PTPRD: variants seen among roughly 807,000 people sequenced by gnomAD.
The protein encoded by PTPRD is protein tyrosine phosphatase receptor type D, also known as receptor-type tyrosine-protein phosphatase delta.
Under a neutral mutation model 214.5 loss-of-function variants are expected in PTPRD, and 34 were observed. The ratio of observed to expected loss-of-function variants is 0.16; its 90% CI spans 0.12 to 0.21. PTPRD has a LOEUF of 0.21. Ranked by LOEUF, PTPRD falls within the 10% of genes least tolerant of loss-of-function variation. PTPRD has a pLI of 1.00. For synonymous variants in PTPRD, 1,128 were observed against 845.7 expected, an observed-to-expected ratio of 1.33 and a Z score of -5.79; for missense variants, 2,545 against 2,398.7, an observed-to-expected ratio of 1.06 and a Z score of -1.27.
At chr9:9,413,075 CA>C (rs2075952390) in intron 8 of PTPRD, among the ~76,000 whole-genome samples, 1 of 134,918 alleles carries the variant, frequency 7.4e-6, no homozygotes, top group Non-Finnish European at 1.6e-5. Context: ...TTTGGGCAAA[CA>C]AGTTATAAAA....
chr9:9,157,894 C>T (rs945089925), intron 10 of PTPRD, among the ~76,000 whole-genome samples: 2 of 152,092 alleles, frequency 1.3e-5, no homozygotes, highest in Non-Finnish European at 2.9e-5. Flanking sequence ...AACAGTTGCC[C>T]ACAGTGTGTT....
At chr9:8,350,683 G>C (rs2075205227) in intron 39 of PTPRD, among the ~76,000 whole-genome samples, 1 of 152,044 alleles carries the variant, frequency 6.6e-6, no homozygotes, top group Non-Finnish European at 1.5e-5. Context: ...AGATAGGTTA[G>C]TTTCTTCTAG....
chr9:8,341,664 G>A lies in PTPRD; in HGVS notation c.4947+29C>T, dbSNP rs1284063389. 2.5e-6 allele frequency: 4 copies of A among 1,605,544 alleles called. No homozygotes were observed. The African/African-American group carries it at 4.0e-5, about 16-fold the overall frequency. On this transcript the variant is annotated intron_variant, in intron 40 of 45. Coordinates refer to ENST00000381196, the MANE Select transcript of PTPRD (RefSeq NM_002839.4). ...GACAAACCCAGAATGACTTGCTCCT[G>A]AATAACCACATCACATCCAATACCA...
intron 5 of PTPRD, among the ~76,000 whole-genome samples, chr9:9,783,837 T>G (rs58036266): frequency 2.4e-5 from 3 of 127,084 alleles, no homozygotes; most frequent in Non-Finnish European, 3.4e-5. Context: ...TTTTTTTTTT[T>G]AATTAAACTT....
At position 9,918,969 on chromosome 9, in the gene PTPRD, C is replaced by A. The variant is rs2081760368; in HGVS notation, c.-368+19538G>T. ...GCATATAGTTACAGATCAATGAATG[C>A]CATTATTGTTTTTTATTCTAATTTT... On this transcript the variant is annotated intron_variant, in intron 5 of 45. Transcript: ENST00000381196. Among the ~76,000 whole-genome samples the A allele has an allele frequency of 2.0e-5, 3 of 151,840 alleles. No homozygotes were observed. In the South Asian group the frequency reaches 6.2e-4, roughly 32 times the overall value.
intron 30 of PTPRD, among the ~76,000 whole-genome samples, chr9:8,483,807 C>A (rs1458670775): frequency 2.3e-5 from 2 of 85,350 alleles, no homozygotes; most frequent in Non-Finnish European, 5.0e-5. Context: ...AAAACAAAAA[C>A]AAACAAACAA....
chr9:9,799,874 T>G (rs2099027740), intron 5 of PTPRD, among the ~76,000 whole-genome samples: 1 of 151,710 alleles, frequency 6.6e-6, no homozygotes, highest in Admixed American at 6.6e-5. Flanking sequence ...CTTTTTGAAC[T>G]CTGATTAATC....
intron 8 of PTPRD, among the ~76,000 whole-genome samples, chr9:9,477,149 G>C (rs555322834): frequency 6.6e-6 from 1 of 152,180 alleles, no homozygotes; most frequent in Admixed American, 6.5e-5. Context: ...CATTGGAAAA[G>C]ACAGTATTTA....
At chr9:8,557,517 C>A (rs954122808) in intron 14 of PTPRD, among the ~76,000 whole-genome samples, 9 of 147,632 alleles carry the variant, frequency 6.1e-5, no homozygotes, top group African/African-American at 5.1e-5. Context: ...CCAATGTGGG[C>A]GGATCACCTG....
chr9:8,331,864 G>T, intron 43 of PTPRD, 128 bp from the exon 44 acceptor site: 2 of 1,105,404 alleles, frequency 1.8e-6, no homozygotes, highest in Non-Finnish European at 2.5e-6. Context: ...TTAGGAACAT[G>T]TTTAAATAGA....
chr9:9,601,109 A>ATGTGTG (rs1273113716), intron 7 of PTPRD, among the ~76,000 whole-genome samples: 10 of 102,052 alleles, frequency 9.8e-5, no homozygotes, highest in African/African-American at 3.3e-4. Context: ...AGAGATTAAT[A>ATGTGTG]TATGTGTGTG....
chr9:8,504,610 G>C (rs1347485779), intron 22 of PTPRD, among the ~76,000 whole-genome samples: 2 of 152,132 alleles, frequency 1.3e-5, no homozygotes, highest in African/African-American at 4.8e-5. Context: ...TTCTACAAAG[G>C]TAACTGGAAT....
At chr9:8,994,859 C>T (rs1017762289) in intron 11 of PTPRD, among the ~76,000 whole-genome samples, 1 of 152,048 alleles carries the variant, frequency 6.6e-6, no homozygotes, top group Non-Finnish European at 1.5e-5. Context: ...TAAAAATACT[C>T]TTAGTTGTTC....
intron 5 of PTPRD, among the ~76,000 whole-genome samples, chr9:9,902,047 A>G (rs2076523698): frequency 6.6e-6 from 1 of 152,222 alleles, no homozygotes; most frequent in Admixed American, 6.5e-5. Flanking sequence ...AAATTTAGCT[A>G]ATAGGTCTGG....
chr9:10,482,731 A>T (rs1410440831), intron 2 of PTPRD, among the ~76,000 whole-genome samples: 1 of 152,184 alleles, frequency 6.6e-6, no homozygotes, highest in Non-Finnish European at 1.5e-5. Context: ...CAAAAAAATA[A>T]AATACCTATG....
intron 2 of PTPRD, among the ~76,000 whole-genome samples, chr9:10,554,154 C>A (rs903711816): frequency 6.6e-6 from 1 of 152,162 alleles, no homozygotes; most frequent in Admixed American, 6.5e-5. Context: ...GTGTATAACT[C>A]AACCCTTTCT....
intron 3 of PTPRD, among the ~76,000 whole-genome samples, chr9:10,188,989 T>A (rs143262513): frequency 6.6e-6 from 1 of 152,174 alleles, no homozygotes; most frequent in Non-Finnish European, 1.5e-5. Context: ...TAGTCTTACA[T>A]GTAGGGTATT....
At chr9:9,428,190 G>A (rs2081728794) in intron 8 of PTPRD, among the ~76,000 whole-genome samples, 1 of 152,048 alleles carries the variant, frequency 6.6e-6, no homozygotes, top group Admixed American at 6.6e-5. Flanking sequence ...GAGACACACA[G>A]GCTCAGAATA....
intron 8 of PTPRD, among the ~76,000 whole-genome samples, chr9:9,511,485 T>C (rs1390831865): frequency 6.6e-6 from 1 of 151,738 alleles, no homozygotes; most frequent in Admixed American, 6.6e-5. Flanking sequence ...ATAATACATA[T>C]TGTTTGCCTA....
Sources: allele counts gnomAD v4.1 joint callset (sites outside exome capture counted in the v4.1 genomes callset), GRCh38; gene constraint gnomAD v4.1.1; transcripts MANE v1.5; gene names NCBI Gene and HGNC (gene_info 2026-07-23, HGNC 2026-07-21).